Variants in PHF2 observed in about 807,000 individuals in gnomAD.
PHF2 encodes lysine-specific demethylase PHF2.
In PHF2, 27 loss-of-function variants were observed where a neutral mutation model predicts 120.5. The observed-to-expected ratio is 0.22, with a 90% CI of 0.17 to 0.31. The LOEUF (loss-of-function observed/expected upper bound fraction) is 0.31. PHF2 is among the 10% of genes least tolerant of loss of function. The pLI is 1.00. For synonymous variants in PHF2, 568 were observed against 592.5 expected (o/e 0.96, Z 0.60); for missense variants, 1,024 against 1,434.8 (o/e 0.71, Z 4.63).
chr9:93,673,493 C>A, intron 17 of PHF2, 92 bp from the exon 18 acceptor site: 1 of 1,191,924 alleles, frequency 8.4e-7, no homozygotes, highest in Non-Finnish European at 1.2e-6. Context: ...GGAGTTTGTG[C>A]AGGAGTTTGT....
intron 17 of PHF2, among the ~76,000 whole-genome samples, chr9:93,668,714 A>G (rs1826726849): frequency 6.6e-6 from 1 of 152,164 alleles, no homozygotes; most frequent in African/African-American, 2.4e-5. Context: ...AGGGCAGCCC[A>G]TCTGTGGACA....
intron 1 of PHF2, among the ~76,000 whole-genome samples, chr9:93,579,699 G>A (rs763491131): frequency 2.6e-5 from 4 of 152,222 alleles, no homozygotes; most frequent in Non-Finnish European, 4.4e-5. Flanking sequence ...TAAAATGCCT[G>A]TCTGTCCCAC....
At chr9:93,652,310 T>TTTG (rs1826382405) in intron 5 of PHF2, among the ~76,000 whole-genome samples, 1 of 123,680 alleles carries the variant, frequency 8.1e-6, no homozygotes, top group African/African-American at 2.9e-5. Context: ...TTTTTTTTTT[T>TTTG]TGGAGATGGA....
intron 1 of PHF2, among the ~76,000 whole-genome samples, chr9:93,618,936 A>T (rs56309322): frequency 2.7e-3 from 1 of 376 alleles, no homozygotes; most frequent in Non-Finnish European, 5.3e-3. Context: ...GTGAGTTTGT[A>T]TGTGTGCTAA....
At chr9:93,612,725 A>G (rs550816419) in intron 1 of PHF2, among the ~76,000 whole-genome samples, 109 of 152,352 alleles carry the variant, frequency 7.2e-4, no homozygotes, top group African/African-American at 2.6e-3. Flanking sequence ...TTTCAGAATA[A>G]TAGGAATCTA....
intron 20 of PHF2, 95 bp from the exon 21 acceptor site, chr9:93,676,499 T>C: frequency 6.9e-7 from 1 of 1,457,060 alleles, no homozygotes; most frequent in Non-Finnish European, 9.2e-7. Flanking sequence ...CCTGCTGTGC[T>C]CAAGGGCCCC....
intron 12 of PHF2, among the ~76,000 whole-genome samples, 181 bp downstream of exon 12, chr9:93,660,741 C>G (rs1273499533): frequency 6.6e-6 from 1 of 152,216 alleles, no homozygotes; most frequent in Non-Finnish European, 1.5e-5. Flanking sequence ...ACTTCCTTGC[C>G]TGGTCCTGAC....
intron 1 of PHF2, among the ~76,000 whole-genome samples, chr9:93,612,105 A>G (rs1442650381): frequency 6.6e-6 from 1 of 152,242 alleles, no homozygotes; most frequent in African/African-American, 2.4e-5. Flanking sequence ...GCTGAACAAT[A>G]TACATCCTGG....
At chr9:93,594,264 C>T (rs938514847) in intron 1 of PHF2, among the ~76,000 whole-genome samples, 1 of 151,742 alleles carries the variant, frequency 6.6e-6, no homozygotes, top group Non-Finnish European at 1.5e-5. Context: ...CAGAGCTACC[C>T]GAGGGCCCCT....
chr9:93,625,292 T>C (rs202116557), intron 1 of PHF2, among the ~76,000 whole-genome samples: 1 of 152,212 alleles, frequency 6.6e-6, no homozygotes, highest in Non-Finnish European at 1.5e-5. Flanking sequence ...TCATCCACAT[T>C]GTAGGATGTA....
At chr9:93,600,280 C>T (rs1771098894) in intron 1 of PHF2, among the ~76,000 whole-genome samples, 1 of 151,960 alleles carries the variant, frequency 6.6e-6, no homozygotes, top group Admixed American at 6.6e-5. Context: ...TGACAGTCTG[C>T]TGGAGGCCCT....
rs1215299156 is a variant in PHF2 at position 93,654,298 on chromosome 9, T to G, written c.790-115T>G. The G allele has an allele frequency of 3.1e-5, 27 of 872,826 alleles. 1 individual carries two copies. Among genetic ancestry groups the G allele is most frequent in the South Asian group, 1.3e-4 (8 of 63,642 alleles). The allele number at this position is 872,826 out of a possible 1,614,324, so 54.1% of individuals were successfully genotyped here. ...TGCAAAGCACCTGTGCCCTCAGTGT[T>G]GCAGGCGGGAGTCGTGGACCTGGGC... is the stretch of plus-strand genomic sequence containing the variant. On this transcript the variant is annotated intron_variant, in intron 6 of 21. Transcript: ENST00000359246.
At chr9:93,578,129 C>G (rs1234254939) in intron 1 of PHF2, among the ~76,000 whole-genome samples, 1 of 152,224 alleles carries the variant, frequency 6.6e-6, no homozygotes, top group Non-Finnish European at 1.5e-5. Context: ...TGCCAGTTTA[C>G]ATGTGGGGAC....
Position 93,674,967 on chromosome 9 carries a change from T to C in PHF2, c.2667T>C (p.Phe889=). Residue 889 remains phenylalanine, a synonymous_variant, in exon 19 of 22, where the codon TTT becomes TTC. Coordinates refer to ENST00000359246, the MANE Select transcript of PHF2 (RefSeq NM_005392.4). ...AGTCAGATGAAGACAACCCCATCTT[T>C]AAGTCCCGGTCGAAGAAAAGGAAAG... ...SLESDEDNPI[F]KSRSKKRKGS... 2.5e-6 allele frequency: 4 copies of C among 1,613,862 alleles called. No homozygotes were observed. The highest frequency in any genetic ancestry group is 1.6e-4 in the Middle Eastern group (1 of 6,062).
chr9:93,655,861 CCTGAT>C, intron 7 of PHF2, 68 bp from the exon 8 acceptor site: 1 of 1,144,712 alleles, frequency 8.7e-7, no homozygotes, highest in Non-Finnish European at 1.3e-6. Flanking sequence ...TCCGCCGCTC[CCTGAT>C]CTAGAGCCAT....
chr9:93,642,181 G>GCTTCGTAT (rs1826182211), intron 3 of PHF2, among the ~76,000 whole-genome samples: 1 of 152,184 alleles, frequency 6.6e-6, no homozygotes, highest in Non-Finnish European at 1.5e-5. Flanking sequence ...GACTGTAGGA[G>GCTTCGTAT]CTTCGTATTG....
At chr9:93,588,263 G>A (rs749288331) in intron 1 of PHF2, among the ~76,000 whole-genome samples, 25 of 152,328 alleles carry the variant, frequency 1.6e-4, no homozygotes, top group Non-Finnish European at 3.1e-4. Flanking sequence ...TGTACATCTG[G>A]ATAAAGATGG....
At chr9:93,657,337 G>A (rs1224553082) in intron 9 of PHF2, among the ~76,000 whole-genome samples, 1 of 152,148 alleles carries the variant, frequency 6.6e-6, no homozygotes, top group Non-Finnish European at 1.5e-5. Context: ...CCTTAGTCAC[G>A]GCTGGCCAGG....
At chr9:93,582,299 A>G (rs1436092982) in intron 1 of PHF2, among the ~76,000 whole-genome samples, 1 of 152,222 alleles carries the variant, frequency 6.6e-6, no homozygotes, top group East Asian at 1.9e-4. Flanking sequence ...ACCGGGGCTG[A>G]TAACTGCTCG....
Sources: gnomAD v4.1 joint callset for allele counts (sites outside exome capture counted in the v4.1 genomes callset) on GRCh38, gnomAD v4.1.1 for gene constraint, MANE v1.5 for transcripts, NCBI Gene and HGNC (gene_info 2026-07-23, HGNC 2026-07-21) for gene names.